The following CUL4B variants were observed in gnomAD, a reference collection of about 807,000 sequenced individuals.
CUL4B encodes the protein cullin-4B.
Under a neutral mutation model 69.2 loss-of-function variants are expected in CUL4B, and 1 was observed. The ratio of observed to expected loss-of-function variants is 0.01; its 90% CI spans 0.01 to 0.07. The LOEUF is 0.07. Ranked by LOEUF, CUL4B falls within the 10% of genes least tolerant of loss-of-function variation. The pLI is 1.00. For synonymous variants in CUL4B, 237 were observed against 223.2 expected, an observed-to-expected ratio of 1.06 and a Z score of -0.55; for missense variants, 328 against 638.8, an observed-to-expected ratio of 0.51 and a Z score of 5.24.
downstream of CUL4B, among the ~76,000 whole-genome samples, chrX:120,570,570 T>C (rs1925682985): frequency 8.9e-6 from 1 of 112,282 alleles, no homozygotes; most frequent in Admixed American, 9.5e-5. Context: ...ATATACTAAT[T>C]GTTAAAAACA....
chrX:120,540,149 C>G (rs1325952568), intron 11 of CUL4B, among the ~76,000 whole-genome samples: 1 of 111,944 alleles, frequency 8.9e-6, no homozygotes, highest in Non-Finnish European at 1.9e-5. Context: ...AAATAGTGTC[C>G]AACGTACTGT....
chrX:120,551,727 T>C (rs1924699848), intron 2 of CUL4B, among the ~76,000 whole-genome samples: 1 of 112,552 alleles, frequency 8.9e-6, no homozygotes, highest in South Asian at 3.6e-4. Flanking sequence ...ATATTTGCTA[T>C]TTCATTTCTT....
At chrX:120,566,729 T>C (rs1381499373), downstream of CUL4B, among the ~76,000 whole-genome samples, 1 of 110,989 alleles carries the variant, frequency 9.0e-6, no homozygotes, top group Non-Finnish European at 1.9e-5. Flanking sequence ...TTGTTTATCT[T>C]ACATCGCCTG....
chrX:120,542,216 T>C (rs1924033865), intron 9 of CUL4B, among the ~76,000 whole-genome samples: 1 of 112,211 alleles, frequency 8.9e-6, no homozygotes, highest in East Asian at 2.8e-4. Context: ...AAATACCTCA[T>C]ATATGTAGTA....
At chrX:120,552,509 T>C (rs1283679827) in intron 2 of CUL4B, among the ~76,000 whole-genome samples, 3 of 112,285 alleles carry the variant, frequency 2.7e-5, no homozygotes, top group South Asian at 3.7e-4. Context: ...CCAGTAAATA[T>C]GCTGCCTTAA....
chrX:120,525,143 A>C lies in CUL4B; in HGVS notation c.*1618T>G, dbSNP rs1922898101. 8.9e-6 allele frequency: 1 copy of C among 112,277 alleles called. No homozygotes were observed. Among genetic ancestry groups the C allele is most frequent in the South Asian group, 3.7e-4 (1 of 2,699 alleles). 9.3% of individuals were successfully genotyped at this position (112,277 alleles called of 1,213,427 possible). The stretch of plus-strand genomic sequence containing the variant: ...AGTTCCGAATACCACATATAGTTAG[A>C]CACCAGTGTGCAAGTTGATGCAACT... On this transcript the variant is annotated 3_prime_UTR_variant, in exon 20 of 20. Transcript: ENST00000371322.
chrX:120,533,386 T>G (rs1459089800), intron 17 of CUL4B, among the ~76,000 whole-genome samples: 2 of 112,116 alleles, frequency 1.8e-5, no homozygotes, highest in African/African-American at 6.5e-5. Context: ...AGGTTTCATT[T>G]GCTAGACTTA....
chrX:120,573,477 A>G (rs1028650619), intron 2 of CUL4B, among the ~76,000 whole-genome samples: 6 of 112,107 alleles, frequency 5.4e-5, no homozygotes, highest in African/African-American at 1.9e-4. Flanking sequence ...TATTTGAAAA[A>G]GTAGAATTGG....
intron 17 of CUL4B, among the ~76,000 whole-genome samples, chrX:120,534,224 A>G (rs374469889): frequency 9.6e-6 from 1 of 104,277 alleles, no homozygotes; most frequent in African/African-American, 3.5e-5. Flanking sequence ...AATTTTAAAA[A>G]TTAGCCAGGC....
chrX:120,544,335 CATG>C (rs1279629481), intron 6 of CUL4B, 132 bp from the exon 7 acceptor site: 1 of 813,233 alleles, frequency 1.2e-6, no homozygotes, highest in East Asian at 3.2e-5. Flanking sequence ...AGTTGAGAAG[CATG>C]ATGATTGGGT....
intron 9 of CUL4B, among the ~76,000 whole-genome samples, chrX:120,542,442 C>T (rs948596002): frequency 9.0e-6 from 1 of 111,041 alleles, no homozygotes; most frequent in Non-Finnish European, 1.9e-5. Context: ...TACCTATTTG[C>T]GGCATTCTCA....
rs764975012 is a variant in CUL4B, at chrX:120,545,162, A to G, written c.920+282T>C. 5.3e-5 allele frequency among the ~76,000 whole-genome samples: 6 copies of G among 112,282 alleles called. No individual in the cohort carries two copies. In the South Asian group the frequency reaches 1.1e-3, roughly 20 times the overall value. ...AATGAGTGAACTCTTGATGGTCAGC[A>G]GCAAAATGAATCACAATCATAGACA... is the stretch of plus-strand genomic sequence containing the variant. On this transcript the variant is annotated intron_variant, in intron 5 of 19. Coordinates refer to ENST00000371322, the MANE Select transcript of CUL4B (RefSeq NM_001079872.2).
chrX:120,543,495 AACACACACACACAC>A (rs60058698), intron 8 of CUL4B, among the ~76,000 whole-genome samples: 4 of 98,151 alleles, frequency 4.1e-5, no homozygotes, highest in East Asian at 6.6e-4. Context: ...TTACCTTCTA[AACACACACACACAC>A]ACACACACAC....
At chrX:120,561,191 C>T (rs1341130790), upstream of CUL4B, 4 of 655,234 alleles carry the variant, frequency 6.1e-6, no homozygotes, top group Admixed American at 1.5e-4. Context: ...GGAGCTCGCG[C>T]GTGAGGGGGC....
intron 14 of CUL4B, among the ~76,000 whole-genome samples, chrX:120,537,278 A>G (rs1033953910): frequency 4.5e-5 from 5 of 112,141 alleles, no homozygotes; most frequent in Non-Finnish European, 7.5e-5. Context: ...GGCGTTATCA[A>G]CTTAAATAAT....
At chrX:120,561,165 C>T (rs948343354), upstream of CUL4B, 2 of 835,550 alleles carry the variant, frequency 2.4e-6, no homozygotes, top group Non-Finnish European at 3.2e-6. Flanking sequence ...AGCGCTGCAG[C>T]CGCCCGGGGG....
At chrX:120,562,160 C>CT (rs1925353817), upstream of CUL4B, among the ~76,000 whole-genome samples, 1 of 111,843 alleles carries the variant, frequency 8.9e-6, no homozygotes, top group African/African-American at 3.3e-5. Context: ...CCCAACAAAG[C>CT]TAAGACCCAC....
At chrX:120,548,006 C>T (rs1368817445) in intron 2 of CUL4B, among the ~76,000 whole-genome samples, 1 of 110,602 alleles carries the variant, frequency 9.0e-6, no homozygotes, top group African/African-American at 3.3e-5. Flanking sequence ...TGTAACTTAA[C>T]ACTTAATAAA....
At chrX:120,553,660 T>A (rs1373635163) in intron 2 of CUL4B, among the ~76,000 whole-genome samples, 2 of 111,008 alleles carry the variant, frequency 1.8e-5, no homozygotes, top group East Asian at 2.8e-4. Context: ...GCCTGGCACT[T>A]TGGGAGGCCA....
Sources: gnomAD v4.1 joint callset for allele counts (sites outside exome capture counted in the v4.1 genomes callset) on GRCh38, gnomAD v4.1.1 for gene constraint, MANE v1.5 for transcripts, NCBI Gene and HGNC (gene_info 2026-07-23, HGNC 2026-07-21) for gene names.